The following DSCAM variants were observed in gnomAD, a reference collection of about 807,000 sequenced individuals.
The protein encoded by DSCAM is cell adhesion molecule DSCAM.
In DSCAM, 47 loss-of-function variants were observed where a neutral mutation model predicts 217.7. The ratio of observed to expected loss-of-function variants is 0.22; its 90% CI spans 0.17 to 0.28. The LOEUF is 0.28. Ranked by LOEUF, DSCAM falls within the 10% of genes least tolerant of loss-of-function variation. The probability of loss-of-function intolerance (pLI) is 1.00; values close to 1 mark genes in which losing one functional copy is unlikely to be tolerated. For synonymous variants in DSCAM, 1,056 were observed against 1,015.3 expected (o/e 1.04, Z -0.76); for missense variants, 2,080 against 2,618.3 (o/e 0.79, Z 4.49).
intron 11 of DSCAM, among the ~76,000 whole-genome samples, chr21:40,270,609 C>T (rs1199940496): frequency 6.6e-6 from 1 of 152,082 alleles, no homozygotes; most frequent in East Asian, 1.9e-4. Flanking sequence ...TGTTCCTACC[C>T]AAATCTCATG....
intron 3 of DSCAM, among the ~76,000 whole-genome samples, chr21:40,437,075 T>C (rs150325527): frequency 6.6e-6 from 1 of 152,268 alleles, no homozygotes; most frequent in Non-Finnish European, 1.5e-5. Context: ...AGGAAGTAGA[T>C]TACATTTGGC....
At chr21:40,336,781 AAG>A (rs1319566597) in intron 8 of DSCAM, among the ~76,000 whole-genome samples, 2 of 152,206 alleles carry the variant, frequency 1.3e-5, no homozygotes, top group Non-Finnish European at 2.9e-5. Context: ...CCTGACTGAG[AAG>A]AGAGTCAATG....
At chr21:40,409,945 A>G (rs2075308629) in intron 3 of DSCAM, among the ~76,000 whole-genome samples, 1 of 152,248 alleles carries the variant, frequency 6.6e-6, no homozygotes, top group Non-Finnish European at 1.5e-5. Context: ...CATCCACTAA[A>G]CAATTACAAA....
intron 21 of DSCAM, among the ~76,000 whole-genome samples, chr21:40,091,590 C>T (rs568774245): frequency 6.6e-6 from 1 of 152,204 alleles, no homozygotes; most frequent in Non-Finnish European, 1.5e-5. Context: ...TATGCATATA[C>T]TTTTGTGATG....
chr21:40,198,416 C>G (rs1409922923), intron 11 of DSCAM, among the ~76,000 whole-genome samples: 1 of 152,148 alleles, frequency 6.6e-6, no homozygotes, highest in Non-Finnish European at 1.5e-5. Flanking sequence ...CACTCATGTG[C>G]CCCACCACAT....
At position 40,144,639 on chromosome 21, in the gene DSCAM, A is replaced by G. The variant is rs947497311; in HGVS notation, c.3111T>C (p.Ile1037=). Residue 1037 remains isoleucine (I), a synonymous_variant, in exon 17 of 33, where the codon ATT becomes ATC. Coordinates refer to ENST00000400454, the MANE Select transcript of DSCAM (RefSeq NM_001389.5). This position sits in a 1 kb window ranked among gnomAD's most constrained non-coding sequence, Gnocchi z 4.8. ...YSTGGNFQFN[I]ISVDTSGDSE... ...TGTCCCCGCTGGTGTCGACACTGAT[A>G]ATGTTGAATTGGAAGTTACCCCCAG... 10 of 1,613,906 alleles carry G rather than the reference A, an allele frequency of 6.2e-6. No individual in the cohort carries two copies. Among genetic ancestry groups the G allele is most frequent in the African/African-American group, 1.3e-5 (1 of 74,862 alleles).
intron 1 of DSCAM, among the ~76,000 whole-genome samples, chr21:40,775,044 G>A (rs2091476639): frequency 6.6e-6 from 1 of 151,758 alleles, no homozygotes; most frequent in South Asian, 2.1e-4. Context: ...CCCTTGTTGG[G>A]TTTGTATCAT....
At chr21:40,146,334 T>G (rs2090357282) in intron 16 of DSCAM, among the ~76,000 whole-genome samples, 1 of 151,526 alleles carries the variant, frequency 6.6e-6, no homozygotes, top group Non-Finnish European at 1.5e-5. Context: ...CTGCAAAGGG[T>G]GCACACCTGC....
chr21:40,119,057 A>G (rs2090004147), intron 20 of DSCAM, among the ~76,000 whole-genome samples: 1 of 152,194 alleles, frequency 6.6e-6, no homozygotes, highest in Admixed American at 6.5e-5. Flanking sequence ...CCTGGAGTGA[A>G]GATAGCATGG....
At chr21:40,604,758 T>C (rs1219834829) in intron 3 of DSCAM, among the ~76,000 whole-genome samples, 1 of 152,216 alleles carries the variant, frequency 6.6e-6, no homozygotes, top group African/African-American at 2.4e-5. Context: ...GATGCTGAGG[T>C]GTTAGGGAGA....
intron 20 of DSCAM, among the ~76,000 whole-genome samples, chr21:40,121,349 T>C (rs1443513819): frequency 2.0e-5 from 3 of 152,204 alleles, no homozygotes; most frequent in African/African-American, 4.8e-5. Flanking sequence ...AGAGAAATAA[T>C]TGTCTCTGAG....
chr21:40,317,310 A>G (rs762505589), intron 8 of DSCAM, among the ~76,000 whole-genome samples: 3 of 152,164 alleles, frequency 2.0e-5, no homozygotes, highest in Non-Finnish European at 4.4e-5. Flanking sequence ...GTTCTCCACA[A>G]TGTACATACA....
At chr21:40,788,680 C>T (rs2091613946) in intron 1 of DSCAM, among the ~76,000 whole-genome samples, 1 of 152,214 alleles carries the variant, frequency 6.6e-6, no homozygotes. Flanking sequence ...TTTAGGCCCA[C>T]ACAATATGTC....
chr21:40,307,521 G>C (rs1167324437), intron 9 of DSCAM, among the ~76,000 whole-genome samples: 1 of 152,190 alleles, frequency 6.6e-6, no homozygotes. Context: ...GAAAGTCAGT[G>C]TGGCGATTCC....
intron 27 of DSCAM, among the ~76,000 whole-genome samples, chr21:40,073,452 A>G (rs925585275): frequency 6.6e-6 from 1 of 152,162 alleles, no homozygotes; most frequent in African/African-American, 2.4e-5. Context: ...TAATTCTCCT[A>G]AAGTCCAGGC....
chr21:40,361,772 C>T (rs1187543218), intron 4 of DSCAM, among the ~76,000 whole-genome samples: 2 of 152,182 alleles, frequency 1.3e-5, no homozygotes, highest in Non-Finnish European at 2.9e-5. Flanking sequence ...ATTATACACT[C>T]CCAATTCATT....
At chr21:40,514,239 T>C (rs1301112237) in intron 3 of DSCAM, among the ~76,000 whole-genome samples, 1 of 152,222 alleles carries the variant, frequency 6.6e-6, no homozygotes, top group Non-Finnish European at 1.5e-5. Context: ...TGCAGAGCCC[T>C]GCATGCTCAA....
rs199507652 is a variant in DSCAM at position 40,536,608 on chromosome 21, A to C, written c.508+156202T>G. On this transcript the variant is annotated intron_variant, in intron 3 of 32. Coordinates refer to ENST00000400454, the MANE Select transcript of DSCAM (RefSeq NM_001389.5). ...TTTTTAGTAGAGACAGGGTTTCACCATGTTAGCCAGGATGGTCTCGATCTC... is the reference window on the plus strand; with the variant it reads ...TTTTTAGTAGAGACAGGGTTTCACCCTGTTAGCCAGGATGGTCTCGATCTC... Among the ~76,000 whole-genome samples the C allele has an allele frequency of 1.4e-4, 22 of 152,126 alleles. No individual in the cohort carries two copies. The East Asian group carries it at 1.5e-3, about 11-fold the overall frequency.
chr21:40,784,346 T>C (rs1258803460), intron 1 of DSCAM, among the ~76,000 whole-genome samples: 1 of 152,206 alleles, frequency 6.6e-6, no homozygotes, highest in Non-Finnish European at 1.5e-5. Context: ...TCTTGTCTGC[T>C]GCCGTGTAAG....
Sources: gnomAD v4.1 joint callset for allele counts (sites outside exome capture counted in the v4.1 genomes callset) on GRCh38, gnomAD v4.1.1 for gene constraint, Gnocchi (gnomAD v3.1) non-coding constraint, MANE v1.5 for transcripts, NCBI Gene and HGNC (gene_info 2026-07-23, HGNC 2026-07-21) for gene names.